RASSF8: variants seen among roughly 807,000 people sequenced by gnomAD.
RASSF8 encodes the protein ras association domain-containing protein 8.
Under a neutral mutation model 48.5 loss-of-function variants are expected in RASSF8, and 22 were observed. That is an observed-to-expected ratio of 0.45 (90% CI 0.32 to 0.65). RASSF8 has a LOEUF of 0.65. Among genes scored for constraint, RASSF8 ranks in the 30% least tolerant of loss-of-function variants. The probability of loss-of-function intolerance (pLI) is 0.03; values close to 1 mark genes in which losing one functional copy is unlikely to be tolerated. For synonymous variants in RASSF8, 127 were observed against 171.5 expected, an observed-to-expected ratio of 0.74 and a Z score of 2.03; for missense variants, 418 against 489.2, an observed-to-expected ratio of 0.85 and a Z score of 1.37.
intron 2 of RASSF8, among the ~76,000 whole-genome samples, chr12:26,010,853 G>A (rs953430272): frequency 6.6e-6 from 1 of 151,944 alleles, no homozygotes; most frequent in Non-Finnish European, 1.5e-5. Context: ...GGGGACCTGG[G>A]GGATAGAAAG....
rs1943983429 is a variant in RASSF8, at chr12:26,070,806, G to A, written c.*1988G>A. On this transcript the variant is annotated 3_prime_UTR_variant, in exon 6 of 6. Coordinates refer to ENST00000689635, the MANE Select transcript of RASSF8 (RefSeq NM_001394098.1). ...TTTCTTTAAGTCAAAATGTTAAACT[G>A]GAGGCAGTATTAAACTTTGCAATTA... 2 of 983,048 alleles carry A rather than the reference G, an allele frequency of 2.0e-6. No homozygotes were observed. Among genetic ancestry groups the A allele is most frequent in the Non-Finnish European group, 2.4e-6 (2 of 827,878 alleles). 60.9% of individuals were successfully genotyped at this position (983,048 alleles called of 1,614,324 possible). A position where few individuals can be genotyped will look rare whatever the true frequency, so the allele number is the denominator to read the frequency against.
chr12:26,003,765 A>T (rs1346962177), intron 2 of RASSF8, among the ~76,000 whole-genome samples: 4 of 152,122 alleles, frequency 2.6e-5, no homozygotes, highest in Non-Finnish European at 4.4e-5. Context: ...CAGAAATTTT[A>T]TATATAGATT....
At chr12:25,972,004 C>G (rs896868591) in intron 1 of RASSF8, among the ~76,000 whole-genome samples, 1 of 152,228 alleles carries the variant, frequency 6.6e-6, no homozygotes, top group Non-Finnish European at 1.5e-5. Context: ...TTGTCTGACT[C>G]TTACTGATTC....
chr12:26,049,508 A>G (rs1267766482), intron 2 of RASSF8, among the ~76,000 whole-genome samples: 1 of 152,254 alleles, frequency 6.6e-6, no homozygotes, highest in Non-Finnish European at 1.5e-5. Context: ...GTTATTCTGC[A>G]GCATATTGTA....
At chr12:25,998,362 T>C (rs1461452181) in intron 2 of RASSF8, among the ~76,000 whole-genome samples, 2 of 151,718 alleles carry the variant, frequency 1.3e-5, no homozygotes, top group Non-Finnish European at 2.9e-5. Flanking sequence ...TTTTTTTTTT[T>C]TTTTGAGATG....
chr12:25,975,382 T>C (rs1397810363), intron 1 of RASSF8, among the ~76,000 whole-genome samples: 1 of 152,208 alleles, frequency 6.6e-6, no homozygotes, highest in East Asian at 1.9e-4. Context: ...TAGCTTTCAG[T>C]TGGTAGCAAG....
chr12:26,040,494 G>A (rs1335396807), intron 2 of RASSF8, among the ~76,000 whole-genome samples: 1 of 152,328 alleles, frequency 6.6e-6, no homozygotes, highest in East Asian at 1.9e-4. Flanking sequence ...GAAAGGGTAG[G>A]AAATGTTTTT....
At chr12:26,056,056 G>A (rs551705463) in intron 3 of RASSF8, among the ~76,000 whole-genome samples, 12 of 152,084 alleles carry the variant, frequency 7.9e-5, no homozygotes, top group South Asian at 6.3e-4. Context: ...GTGGTGGTGC[G>A]CACCTGTAAT....
intron 2 of RASSF8, among the ~76,000 whole-genome samples, chr12:26,003,785 A>T (rs952623928): frequency 6.6e-6 from 1 of 152,120 alleles, no homozygotes; most frequent in African/African-American, 2.4e-5. Context: ...TATATTTTTA[A>T]AAAAATCTAA....
intron 4 of RASSF8, among the ~76,000 whole-genome samples, 159 bp from the exon 5 acceptor site, chr12:26,067,406 CTCTT>C (rs1375122958): frequency 2.6e-5 from 4 of 152,282 alleles, no homozygotes; most frequent in African/African-American, 9.6e-5. Context: ...TGAAAGTGAC[CTCTT>C]TAGCCCATTG....
At chr12:25,991,610 A>G (rs1942016084) in intron 1 of RASSF8, among the ~76,000 whole-genome samples, 1 of 152,092 alleles carries the variant, frequency 6.6e-6, no homozygotes, top group African/African-American at 2.4e-5. Context: ...ATGCCTCACA[A>G]ATTTGCGCTG....
chr12:26,071,050 C>T lies in RASSF8; in HGVS notation c.*2232C>T, dbSNP rs1378827011. ...CAAATAATCTTCATAGACCTAATTA[C>T]AGATTTAAAAAAATTTCCTAGGCGA... On this transcript the variant is annotated 3_prime_UTR_variant, in exon 6 of 6. Coordinates refer to ENST00000689635, the MANE Select transcript of RASSF8 (RefSeq NM_001394098.1). 3 of 984,552 alleles carry T rather than the reference C, an allele frequency of 3.0e-6. No individual in the cohort carries two copies. Among genetic ancestry groups the T allele is most frequent in the African/African-American group, 1.7e-5 (1 of 57,160 alleles). 61.0% of individuals were successfully genotyped at this position (984,552 alleles called of 1,614,324 possible).
At chr12:26,009,021 C>T (rs1196368273) in intron 2 of RASSF8, among the ~76,000 whole-genome samples, 1 of 152,140 alleles carries the variant, frequency 6.6e-6, no homozygotes, top group Non-Finnish European at 1.5e-5. Context: ...TTTTTTCTTG[C>T]ACACTGGTAG....
intron 2 of RASSF8, among the ~76,000 whole-genome samples, chr12:26,048,361 G>C (rs1231842077): frequency 5.3e-5 from 8 of 152,190 alleles, no homozygotes; most frequent in Non-Finnish European, 1.2e-4. Context: ...GTTGCTGGTA[G>C]GCTTATGACT....
Position 25,985,285 on chromosome 12 carries a change from T to C in RASSF8, c.-202-9752T>C, listed in dbSNP as rs941037395. ...TGTAACTATAGACCCTATGTCATGT[T>C]GTTACTGTATTATACCAAATTATAG... is the stretch of plus-strand genomic sequence containing the variant. On this transcript the variant is annotated intron_variant, in intron 1 of 5. Transcript: ENST00000689635. 7.9e-5 allele frequency among the ~76,000 whole-genome samples: 12 copies of C among 152,328 alleles called. No homozygotes were observed. The East Asian group carries it at 2.3e-3, about 29-fold the overall frequency.
intron 2 of RASSF8, among the ~76,000 whole-genome samples, chr12:26,002,355 C>T (rs916074862): frequency 1.3e-5 from 2 of 152,144 alleles, no homozygotes; most frequent in Admixed American, 6.5e-5. Context: ...ATCGCTTGAA[C>T]CCAGAGGGTG....
At chr12:25,968,428 C>T (rs1032572019) in intron 1 of RASSF8, among the ~76,000 whole-genome samples, 3 of 152,206 alleles carry the variant, frequency 2.0e-5, no homozygotes, top group Admixed American at 2.0e-4. Context: ...CTGCAGCCCC[C>T]GCCTCCCGGG....
At chr12:26,023,640 G>T (rs900909231) in intron 2 of RASSF8, among the ~76,000 whole-genome samples, 4 of 151,530 alleles carry the variant, frequency 2.6e-5, no homozygotes, top group Admixed American at 6.6e-5. Context: ...AACTCCAGAC[G>T]GTAATTTGAA....
At chr12:25,972,024 C>T (rs1232384756) in intron 1 of RASSF8, among the ~76,000 whole-genome samples, 1 of 152,226 alleles carries the variant, frequency 6.6e-6, no homozygotes, top group Non-Finnish European at 1.5e-5. Flanking sequence ...CCCACTGGAT[C>T]CTTGGGCCCA....
Sources: allele counts gnomAD v4.1 joint callset (sites outside exome capture counted in the v4.1 genomes callset), GRCh38; gene constraint gnomAD v4.1.1; transcripts MANE v1.5; gene names NCBI Gene and HGNC (gene_info 2026-07-23, HGNC 2026-07-21).